VAPB: variants seen among roughly 807,000 people sequenced by gnomAD.
VAPB encodes the protein vesicle-associated membrane protein-associated protein B/C.
Under a neutral mutation model 25.6 loss-of-function variants are expected in VAPB, and 7 were observed. The observed-to-expected ratio is 0.27, with a 90% CI of 0.16 to 0.51. VAPB has a LOEUF of 0.51. Ranked by LOEUF, VAPB falls within the 20% of genes least tolerant of loss-of-function variation. The pLI is 0.97. For missense variants in VAPB, 266 were observed against 301.3 expected (o/e 0.88, Z 0.87); for synonymous variants, 112 against 109.2 (o/e 1.03, Z -0.16).
intron 1 of VAPB, among the ~76,000 whole-genome samples, chr20:58,403,763 G>A (rs1438729503): frequency 6.6e-6 from 1 of 152,194 alleles, no homozygotes; most frequent in Non-Finnish European, 1.5e-5. Flanking sequence ...CTGTCAGCCT[G>A]CTGGACATCC....
Position 58,412,576 on chromosome 20 carries a change from C to CAAAAAAAAAAAAAA in VAPB, c.59-5634_59-5621dup, listed in dbSNP as rs375713162. ...TGGGTGACAGAGTGAGACTCTGTCT[C>CAAAAAAAAAAAAAA]AAAAAAAAAAAAAAGGTAAAATTAT... On this transcript the variant is annotated intron_variant, in intron 1 of 5. Transcript: ENST00000475243. Among the ~76,000 whole-genome samples the CAAAAAAAAAAAAAA allele has an allele frequency of 2.2e-3, 201 of 90,702 alleles. 3 individuals carry two copies. Among genetic ancestry groups the CAAAAAAAAAAAAAA allele is most frequent in the Middle Eastern group, 0.014 (2 of 138 alleles). The allele number at this position is 90,702 out of a possible 152,430, so 59.5% of individuals were successfully genotyped here. A position where few individuals can be genotyped will look rare whatever the true frequency, so the allele number is the denominator to read the frequency against.
intron 1 of VAPB, among the ~76,000 whole-genome samples, chr20:58,413,655 G>T (rs1988439208): frequency 6.6e-6 from 1 of 151,816 alleles, no homozygotes; most frequent in Non-Finnish European, 1.5e-5. Context: ...TCAATGAGCT[G>T]TTGGGCACAC....
At chr20:58,435,813 G>C (rs1456655217) in intron 3 of VAPB, among the ~76,000 whole-genome samples, 1 of 152,150 alleles carries the variant, frequency 6.6e-6, no homozygotes, top group Non-Finnish European at 1.5e-5. Flanking sequence ...TCTGCAACAT[G>C]ATGTGTTACT....
intron 1 of VAPB, among the ~76,000 whole-genome samples, chr20:58,393,745 T>TG (rs572390728): frequency 2.0e-3 from 295 of 147,270 alleles, no homozygotes; most frequent in South Asian, 9.8e-3. Flanking sequence ...TGTTTTGTTT[T>TG]TTTTGAGATG....
chr20:58,431,670 A>C (rs1988932082), intron 2 of VAPB, among the ~76,000 whole-genome samples: 1 of 151,668 alleles, frequency 6.6e-6, no homozygotes, highest in Non-Finnish European at 1.5e-5. Flanking sequence ...TCCCAGGCCT[A>C]AGCAGTCCTT....
chr20:58,402,780 G>C (rs1988131168), intron 1 of VAPB, among the ~76,000 whole-genome samples: 1 of 152,128 alleles, frequency 6.6e-6, no homozygotes, highest in Non-Finnish European at 1.5e-5. Flanking sequence ...CGAGGCAAGC[G>C]AATCAGTTGA....
chr20:58,446,437 A>G lies in VAPB; in HGVS notation c.*2202A>G, dbSNP rs555882414. 2 of 453,996 alleles carry G rather than the reference A, an allele frequency of 4.4e-6. No homozygotes were observed. The highest frequency in any genetic ancestry group is 8.8e-6 in the Non-Finnish European group (2 of 226,796). The allele number at this position is 453,996 out of a possible 1,614,324, so 28.1% of individuals were successfully genotyped here. A position where few individuals can be genotyped will look rare whatever the true frequency, so the allele number is the denominator to read the frequency against. Reference sequence around the variant, plus strand: ...TCCCATTACACTAGAGCAGGGCTCTATTTATTTTTAAAGGATATGGCCGTG... The same window carrying G: ...TCCCATTACACTAGAGCAGGGCTCTGTTTATTTTTAAAGGATATGGCCGTG... On this transcript the variant is annotated 3_prime_UTR_variant, in exon 6 of 6. Transcript: ENST00000475243.
At chr20:58,441,332 TAA>T (rs555631449) in intron 5 of VAPB, among the ~76,000 whole-genome samples, 1 of 142,570 alleles carries the variant, frequency 7.0e-6, no homozygotes. Context: ...CTTGTCCCCT[TAA>T]AAAAAAAAAC....
chr20:58,401,003 C>A (rs1988083962), intron 1 of VAPB, among the ~76,000 whole-genome samples: 1 of 152,212 alleles, frequency 6.6e-6, no homozygotes, highest in Admixed American at 6.5e-5. Context: ...CAAAACTTTT[C>A]ATGTAATTTG....
intron 4 of VAPB, chr20:58,439,652 A>G (rs1989119874): frequency 1.3e-5 from 2 of 156,076 alleles, no homozygotes; most frequent in South Asian, 3.9e-4. Flanking sequence ...GTCTCCAGAT[A>G]TTGCCACATG....
At chr20:58,429,649 G>A (rs1988883699) in intron 2 of VAPB, among the ~76,000 whole-genome samples, 1 of 152,222 alleles carries the variant, frequency 6.6e-6, no homozygotes, top group Non-Finnish European at 1.5e-5. Flanking sequence ...CGTAAGGGAT[G>A]TGTGTGCATG....
At chr20:58,441,414 G>A (rs1466006595) in intron 5 of VAPB, among the ~76,000 whole-genome samples, 1 of 152,162 alleles carries the variant, frequency 6.6e-6, no homozygotes, top group Non-Finnish European at 1.5e-5. Flanking sequence ...GGCCAAGGCG[G>A]GCCGATCACA....
At chr20:58,422,204 A>C (rs748707632) in intron 2 of VAPB, among the ~76,000 whole-genome samples, 5 of 151,920 alleles carry the variant, frequency 3.3e-5, no homozygotes, top group Non-Finnish European at 7.4e-5. Flanking sequence ...GCCCCTTCTG[A>C]GGTTTGTGCT....
At position 58,447,359 on chromosome 20, in the gene VAPB, C is replaced by T. The variant is rs1204695379; in HGVS notation, c.*3124C>T. Reference sequence around the variant, plus strand: ...TTGCATGTTTTCCTTCTCTCGTCTTCTGAACTGCTGGCACCAGCAGTAATA... The same window carrying T: ...TTGCATGTTTTCCTTCTCTCGTCTTTTGAACTGCTGGCACCAGCAGTAATA... On this transcript the variant is annotated 3_prime_UTR_variant, in exon 6 of 6. Transcript: ENST00000475243. 4.4e-6 allele frequency: 2 copies of T among 454,090 alleles called. No homozygotes were observed. Among genetic ancestry groups the T allele is most frequent in the Admixed American group, 4.7e-5 (2 of 42,580 alleles). The allele number at this position is 454,090 out of a possible 1,614,324, so 28.1% of individuals were successfully genotyped here.
In VAPB at chr20:58,441,060, C is replaced by T. The variant is rs750394268; in HGVS notation, c.550C>T (p.Arg184Trp). The change falls in exon 5 of 6, where the codon CGG becomes TGG. Residue 184 changes from arginine to tryptophan, a missense_variant. Arg to Trp is a moderately radical substitution (Grantham distance 101, BLOSUM62 -3). Coordinates refer to ENST00000475243, the MANE Select transcript of VAPB (RefSeq NM_004738.5). ...KRLQGEVQRLREENKQFKEED... is the reference protein window; with the variant it reads ...KRLQGEVQRLWEENKQFKEED... ...GCTGCAAGGTGAAGTTCAGAGGCTA[C>T]GGGAGGAGAACAAGCAGTTCAAGGT... is the stretch of plus-strand genomic sequence containing the variant. 36 of 1,613,762 alleles carry T rather than the reference C, an allele frequency of 2.2e-5. No individual in the cohort carries two copies. Among genetic ancestry groups the T allele is most frequent in the Admixed American group, 1.0e-4 (6 of 59,990 alleles).
chr20:58,405,373 GC>G (rs1302830731), intron 1 of VAPB, among the ~76,000 whole-genome samples: 6 of 152,244 alleles, frequency 3.9e-5, no homozygotes, highest in Admixed American at 1.3e-4. Context: ...GAGGGCAGGA[GC>G]CTTGCCGGTA....
rs1989152906 is a variant in VAPB at position 58,441,168 on chromosome 20, T to C, written c.573+85T>C. 7.0e-6 allele frequency: 10 copies of C among 1,429,844 alleles called. No homozygotes were observed. The Admixed American group carries it at 1.7e-4, about 24-fold the overall frequency. The allele number at this position is 1,429,844 out of a possible 1,614,324, so 88.6% of individuals were successfully genotyped here. A position where few individuals can be genotyped will look rare whatever the true frequency, so the allele number is the denominator to read the frequency against. ...GTGGGGAAGTTGATGAGCCAGTGAA[T>C]ATATAGATTTCTTTTTGCTTTTGGT... On this transcript the variant is annotated intron_variant, in intron 5 of 5. Transcript: ENST00000475243.
chr20:58,440,641 T>A (rs555607260), intron 4 of VAPB: 1 of 380,832 alleles, frequency 2.6e-6, no homozygotes, highest in African/African-American at 2.1e-5. Flanking sequence ...GATAGTGCAA[T>A]ATACACAGCC....
chr20:58,389,297 G>T lies in VAPB; in HGVS notation c.-163G>T. On this transcript the variant is annotated 5_prime_UTR_variant, in exon 1 of 6. Transcript: ENST00000475243. ...TCCGCCCCTGCGCCTGCACCGCGTA[G>T]ACCGACCCCCCCCCAGCGCGCCCAC... 1 of 708,266 alleles carries T rather than the reference G, an allele frequency of 1.4e-6. No homozygotes were observed. The highest frequency in any genetic ancestry group is 1.5e-5 in the South Asian group (1 of 66,910). The allele number at this position is 708,266 out of a possible 1,614,324, so 43.9% of individuals were successfully genotyped here. A position where few individuals can be genotyped will look rare whatever the true frequency, so the allele number is the denominator to read the frequency against.
Sources: gnomAD v4.1 joint callset for allele counts (sites outside exome capture counted in the v4.1 genomes callset) on GRCh38, gnomAD v4.1.1 for gene constraint, MANE v1.5 for transcripts, NCBI Gene and HGNC (gene_info 2026-07-23, HGNC 2026-07-21) for gene names.